The following PIN4 variants were observed in gnomAD, a reference collection of about 807,000 sequenced individuals.
PIN4 encodes peptidylprolyl cis/trans isomerase, NIMA-interacting 4.
PIN4 carries 3 observed loss-of-function variants against 8.3 expected under a neutral mutation model. The ratio of observed to expected loss-of-function variants is 0.36; its 90% confidence interval spans 0.16 to 0.93. The LOEUF (loss-of-function observed/expected upper bound fraction) is 0.93, where lower values mean the gene tolerates loss of function less well. PIN4 is among the 40% of genes least tolerant of loss of function. The pLI, the probability that PIN4 is intolerant of heterozygous loss-of-function variation, is 0.44. For synonymous variants in PIN4, 18 were observed against 32.5 expected, an observed-to-expected ratio of 0.55 and a Z score of 1.52; for missense variants, 75 against 100.6, an observed-to-expected ratio of 0.75 and a Z score of 1.09.
At chrX:72,251,105 C>A (rs1163993067) in intron 3 of PIN4, among the ~76,000 whole-genome samples, 1 of 105,178 alleles carries the variant, frequency 9.5e-6, no homozygotes, top group African/African-American at 3.5e-5. Context: ...CGCCTGTAAT[C>A]CCAGCACTTT....
intron 3 of PIN4, among the ~76,000 whole-genome samples, chrX:72,243,381 TG>T (rs2043056577): frequency 9.2e-6 from 1 of 109,205 alleles, no homozygotes; most frequent in Admixed American, 9.8e-5. Context: ...ATGGTATTGC[TG>T]TTTTTTTTTT....
At position 72,210,065 on chromosome X, in the gene PIN4, G is replaced by C. The variant is rs190410514; in HGVS notation, c.312+13161G>C. Reference sequence around the variant, plus strand: ...TGCCGAACACACAAGCAACCAGAGGGGGGGAAGAGATATACAGGGCCGGGT... The same window carrying C: ...TGCCGAACACACAAGCAACCAGAGGCGGGGAAGAGATATACAGGGCCGGGT... On this transcript the variant is annotated intron_variant, in intron 3 of 3. Coordinates refer to the PIN4 transcript ENST00000423432. Among the ~76,000 whole-genome samples, 580 of 108,988 alleles carry C rather than the reference G, an allele frequency of 5.3e-3. 9 individuals carry two copies. Among genetic ancestry groups the C allele is most frequent in the African/African-American group, 0.018 (553 of 29,976 alleles). The allele number at this position is 108,988 out of a possible 115,157, so 94.6% of individuals were successfully genotyped here.
chrX:72,224,348 T>C (rs937507228), intron 3 of PIN4, among the ~76,000 whole-genome samples: 2 of 111,231 alleles, frequency 1.8e-5, no homozygotes, highest in African/African-American at 3.3e-5. Flanking sequence ...GGAAGGGACA[T>C]CCTACACAAA....
At chrX:72,191,593 A>G (rs1203297464) in intron 2 of PIN4, among the ~76,000 whole-genome samples, 2 of 111,771 alleles carry the variant, frequency 1.8e-5, no homozygotes, top group Non-Finnish European at 3.8e-5. Flanking sequence ...TCTGGAGGTG[A>G]TTCTAATATG....
At chrX:72,254,121 G>A (rs781647242) in intron 3 of PIN4, among the ~76,000 whole-genome samples, 1 of 111,784 alleles carries the variant, frequency 8.9e-6, no homozygotes, top group East Asian at 2.8e-4. Flanking sequence ...AAATACTATC[G>A]AAACTCCTCA....
At chrX:72,202,147 TGAAAG>T (rs1023885805), downstream of PIN4, among the ~76,000 whole-genome samples, 2 of 112,901 alleles carry the variant, frequency 1.8e-5, no homozygotes, top group African/African-American at 6.4e-5. Context: ...ACATTCATGA[TGAAAG>T]GAAATGCTAT....
At chrX:72,214,368 C>CA (rs1250404466) in intron 3 of PIN4, among the ~76,000 whole-genome samples, 1 of 111,856 alleles carries the variant, frequency 8.9e-6, no homozygotes, top group African/African-American at 3.2e-5. Flanking sequence ...ATTTAAGAGT[C>CA]AAAAAAACAA....
At chrX:72,238,942 C>G (rs780118850) in intron 3 of PIN4, 1 of 1,133,949 alleles carries the variant, frequency 8.8e-7, no homozygotes, top group Non-Finnish European at 1.2e-6. Flanking sequence ...GTTACCCCGG[C>G]GGGAGTTTGG....
At chrX:72,191,593 A>T (rs1203297464) in intron 2 of PIN4, among the ~76,000 whole-genome samples, 1 of 111,771 alleles carries the variant, frequency 8.9e-6, no homozygotes, top group South Asian at 3.7e-4. Context: ...TCTGGAGGTG[A>T]TTCTAATATG....
chrX:72,240,264 G>T (rs2043043628), intron 3 of PIN4, among the ~76,000 whole-genome samples: 1 of 111,897 alleles, frequency 8.9e-6, no homozygotes, highest in Non-Finnish European at 1.9e-5. Context: ...AGCCTAAAAA[G>T]AAGGCAGAGC....
chrX:72,191,033 C>G (rs903253704), intron 2 of PIN4, among the ~76,000 whole-genome samples: 3 of 109,292 alleles, frequency 2.7e-5, no homozygotes, highest in Non-Finnish European at 3.8e-5. Context: ...ACTACTAATA[C>G]TTGGTCTCTG....
intron 3 of PIN4, among the ~76,000 whole-genome samples, chrX:72,245,205 C>T (rs1414341383): frequency 1.8e-5 from 2 of 108,518 alleles, no homozygotes; most frequent in East Asian, 2.9e-4. Flanking sequence ...GGCTGGAGTG[C>T]AGTGGTGTGA....
chrX:72,195,052 A>G (rs1422289396), intron 2 of PIN4, among the ~76,000 whole-genome samples: 3 of 112,006 alleles, frequency 2.7e-5, no homozygotes, highest in Non-Finnish European at 5.6e-5. Context: ...GTACAGTGTT[A>G]TGTTTGCACA....
In PIN4 at chrX:72,197,957, T is replaced by G; in HGVS notation, c.*431T>G. 4 of 756,715 alleles carry G rather than the reference T, an allele frequency of 5.3e-6. No homozygotes were observed. Among genetic ancestry groups the G allele is most frequent in the Non-Finnish European group, 6.3e-6 (4 of 639,138 alleles). The allele number at this position is 756,715 out of a possible 1,213,427, so 62.4% of individuals were successfully genotyped here. ...AATAAGTTCCTAGACAACATTTGTT[T>G]TACATGTTAGTCAACTCTGATCTTC... On this transcript the variant is annotated 3_prime_UTR_variant, in exon 4 of 4. Transcript: ENST00000373669.
chrX:72,250,740 T>G (rs1271724517), intron 3 of PIN4, among the ~76,000 whole-genome samples: 3 of 95,313 alleles, frequency 3.1e-5, no homozygotes, highest in African/African-American at 8.0e-5. Flanking sequence ...TATATGGTTT[T>G]TTTTTTTTTT....
intron 3 of PIN4, among the ~76,000 whole-genome samples, chrX:72,257,323 AAAAAGAAAAG>A (rs150937886): frequency 6.3e-5 from 7 of 110,658 alleles, no homozygotes; most frequent in Non-Finnish European, 1.3e-4. Flanking sequence ...TCTGTCTCGA[AAAAAGAAAAG>A]AAAAGAAAAG....
At chrX:72,223,719 G>T in intron 3 of PIN4, among the ~76,000 whole-genome samples, 1 of 111,509 alleles carries the variant, frequency 9.0e-6, no homozygotes, top group East Asian at 2.9e-4. Context: ...AGACAAACAT[G>T]TCTGGTTAAA....
intron 3 of PIN4, among the ~76,000 whole-genome samples, chrX:72,242,691 C>A (rs1262452295): frequency 8.9e-6 from 1 of 112,674 alleles, no homozygotes; most frequent in Non-Finnish European, 1.9e-5. Context: ...GGCTCCCATT[C>A]CCCCAGCGTC....
intron 3 of PIN4, among the ~76,000 whole-genome samples, chrX:72,240,793 CCAT>C (rs1310178178): frequency 9.7e-6 from 1 of 103,496 alleles, no homozygotes; most frequent in East Asian, 3.2e-4. Flanking sequence ...GAGCAAGACT[CCAT>C]CTCAAAAAAA....
Sources: allele counts gnomAD v4.1 joint callset (sites outside exome capture counted in the v4.1 genomes callset), GRCh38; gene constraint gnomAD v4.1.1; transcripts MANE v1.5; gene names NCBI Gene and HGNC (gene_info 2026-07-23, HGNC 2026-07-21).